Variants in CACNB2 observed in about 807,000 individuals in gnomAD.
CACNB2 encodes the protein calcium voltage-gated channel auxiliary subunit beta 2.
In CACNB2, 42 loss-of-function variants were observed where a neutral mutation model predicts 73.3. The ratio of observed to expected loss-of-function variants is 0.57; its 90% CI spans 0.45 to 0.74. CACNB2 has a LOEUF of 0.74. Ranked by LOEUF, CACNB2 falls within the 30% of genes least tolerant of loss-of-function variation. The pLI, the probability that CACNB2 is intolerant of heterozygous loss-of-function variation, is 0.00. For missense variants in CACNB2, 940 were observed against 853.0 expected (o/e 1.10, Z -1.27); for synonymous variants, 348 against 310.3 (o/e 1.12, Z -1.28).
At chr10:18,384,721 C>A (rs1337168032) in intron 2 of CACNB2, among the ~76,000 whole-genome samples, 7 of 150,862 alleles carry the variant, frequency 4.6e-5, no homozygotes, top group Non-Finnish European at 1.0e-4. Context: ...CAGAGTGAGA[C>A]CCTGTCTCAA....
chr10:18,400,825 C>T, intron 2 of CACNB2: 5 of 1,446,472 alleles, frequency 3.5e-6, no homozygotes, highest in Admixed American at 2.8e-5. Context: ...GTGTTTTCAG[C>T]CCCTCCTGGA....
chr10:18,326,747 G>C (rs957897149), intron 2 of CACNB2, among the ~76,000 whole-genome samples: 1 of 152,078 alleles, frequency 6.6e-6, no homozygotes, highest in Non-Finnish European at 1.5e-5. Context: ...ATTTTTTTGA[G>C]ACAGGGTCTC....
intron 3 of CACNB2, among the ~76,000 whole-genome samples, chr10:18,404,252 A>G (rs2044164595): frequency 6.6e-6 from 1 of 152,184 alleles, no homozygotes; most frequent in South Asian, 2.1e-4. Context: ...AGATACAAAG[A>G]TGAGCATTGA....
chr10:18,404,323 G>A (rs925484038), intron 3 of CACNB2, among the ~76,000 whole-genome samples: 1 of 151,990 alleles, frequency 6.6e-6, no homozygotes, highest in African/African-American at 2.4e-5. Context: ...CAATATCCTT[G>A]AAGAAATAAT....
In CACNB2 at chr10:18,406,831, A is replaced by G. The variant is rs74805348; in HGVS notation, c.333+4788A>G. Reference sequence around the variant, plus strand: ...GGAGGACTGCTGCCTTAGAGGATGGACAGGTGAAGTTTAGCTCTTGAAGTA... The same window carrying G: ...GGAGGACTGCTGCCTTAGAGGATGGGCAGGTGAAGTTTAGCTCTTGAAGTA... On this transcript the variant is annotated intron_variant, in intron 3 of 13. Coordinates refer to ENST00000324631, the MANE Select transcript of CACNB2 (RefSeq NM_201596.3). Among the ~76,000 whole-genome samples the G allele has an allele frequency of 8.1e-4, 123 of 152,264 alleles. 1 individual carries two copies. Among genetic ancestry groups the G allele is most frequent in the Non-Finnish European group, 1.6e-3 (111 of 68,030 alleles).
chr10:18,536,263 TTTTTTTTTTTGG>T (rs1328564608), intron 12 of CACNB2, 67 bp downstream of exon 12: 8,831 of 546,146 alleles, frequency 0.016, 300 homozygotes, highest in Middle Eastern at 0.023. Context: ...TTTTTTTTTT[TTTTTTTTTTTGG>T]GGGACAAGGT....
chr10:18,152,743 A>AAAAAAT (rs2031703126), intron 2 of CACNB2, among the ~76,000 whole-genome samples: 2 of 138,786 alleles, frequency 1.4e-5, no homozygotes, highest in African/African-American at 2.7e-5. Context: ...CAAAAAACAA[A>AAAAAAT]ACACTAGCTC....
intron 2 of CACNB2, among the ~76,000 whole-genome samples, chr10:18,399,767 A>G (rs2043897869): frequency 6.6e-6 from 1 of 152,072 alleles, no homozygotes; most frequent in Admixed American, 6.6e-5. Flanking sequence ...AAACAAATGC[A>G]GTTTAGACTA....
intron 2 of CACNB2, chr10:18,261,198 G>T: frequency 6.5e-7 from 1 of 1,549,546 alleles, no homozygotes; most frequent in Non-Finnish European, 8.7e-7. Context: ...AATGGACCGA[G>T]GCTGTGACGA....
intron 3 of CACNB2, among the ~76,000 whole-genome samples, chr10:18,452,399 G>A (rs767112360): frequency 1.9e-4 from 29 of 152,160 alleles, no homozygotes; most frequent in Non-Finnish European, 3.5e-4. Flanking sequence ...CTGCACTCCA[G>A]TCTGAGTGGC....
At chr10:18,455,834 G>A (rs2047251161) in intron 3 of CACNB2, among the ~76,000 whole-genome samples, 1 of 152,156 alleles carries the variant, frequency 6.6e-6, no homozygotes, top group Non-Finnish European at 1.5e-5. Context: ...CCTTTTAGCA[G>A]AATTTCTTTT....
intron 2 of CACNB2, among the ~76,000 whole-genome samples, chr10:18,220,207 A>G (rs1380144958): frequency 0.032 from 986 of 31,036 alleles, 35 homozygotes; most frequent in Non-Finnish European, 0.035. Context: ...GTGTGTATAT[A>G]TATATATATA....
chr10:18,340,989 G>A (rs751852450), intron 2 of CACNB2: 2 of 1,613,962 alleles, frequency 1.2e-6, no homozygotes, highest in Non-Finnish European at 1.7e-6. Flanking sequence ...TAAGCATACG[G>A]GAGAGAAGCC....
intron 2 of CACNB2, among the ~76,000 whole-genome samples, chr10:18,247,598 A>C (rs1269351695): frequency 6.6e-6 from 1 of 152,148 alleles, no homozygotes; most frequent in African/African-American, 2.4e-5. Flanking sequence ...ATCTGTAGGT[A>C]CTTTGCAAAA....
intron 9 of CACNB2, among the ~76,000 whole-genome samples, chr10:18,521,955 C>T (rs140836621): frequency 1.4e-3 from 212 of 152,280 alleles, no homozygotes; most frequent in African/African-American, 4.6e-3. Flanking sequence ...ACACAGCAGA[C>T]GGTGAGTGGC....
intron 2 of CACNB2, among the ~76,000 whole-genome samples, chr10:18,242,656 A>G (rs189746396): frequency 5.3e-5 from 8 of 152,304 alleles, no homozygotes; most frequent in African/African-American, 1.9e-4. Context: ...CTGTATTAGA[A>G]GTACAATTAA....
At chr10:18,186,670 T>C (rs1015492198) in intron 2 of CACNB2, among the ~76,000 whole-genome samples, 7 of 152,062 alleles carry the variant, frequency 4.6e-5, no homozygotes, top group African/African-American at 1.7e-4. Context: ...CCAGATTTCA[T>C]GAGAACTCAC....
chr10:18,461,947 A>G (rs2047604202), intron 3 of CACNB2, among the ~76,000 whole-genome samples: 1 of 151,892 alleles, frequency 6.6e-6, no homozygotes, highest in African/African-American at 2.4e-5. Context: ...AGCTCTGGAG[A>G]GATGTCTGAA....
intron 6 of CACNB2, chr10:18,513,597 C>A: frequency 3.0e-6 from 1 of 334,308 alleles, no homozygotes; most frequent in South Asian, 2.7e-5. Context: ...GCTTTACGAC[C>A]CATTTTGAAC....
Sources: gnomAD v4.1 joint callset for allele counts (sites outside exome capture counted in the v4.1 genomes callset) on GRCh38, gnomAD v4.1.1 for gene constraint, MANE v1.5 for transcripts, NCBI Gene and HGNC (gene_info 2026-07-23, HGNC 2026-07-21) for gene names.